FKBP3: variants seen among roughly 807,000 people sequenced by gnomAD.
The protein encoded by FKBP3 is peptidyl-prolyl cis-trans isomerase FKBP3.
FKBP3 carries 21 observed loss-of-function variants against 30.6 expected under a neutral mutation model. The observed-to-expected ratio is 0.69, with a 90% confidence interval of 0.49 to 0.99. The LOEUF (loss-of-function observed/expected upper bound fraction) is 0.99. Ranked by LOEUF, FKBP3 falls within the 50% of genes least tolerant of loss-of-function variation. The probability of loss-of-function intolerance (pLI) is 0.00; values close to 1 mark genes in which losing one functional copy is unlikely to be tolerated. For synonymous variants in FKBP3, 82 were observed against 91.3 expected (o/e 0.90, Z 0.58); for missense variants, 283 against 261.6 (o/e 1.08, Z -0.56).
intron 3 of FKBP3, among the ~76,000 whole-genome samples, chr14:45,125,863 T>C (rs953506019): frequency 2.2e-4 from 33 of 152,088 alleles, no homozygotes; most frequent in African/African-American, 8.0e-4. Context: ...GGGCATGATG[T>C]AGTAGACAAT....
chr14:45,129,742 A>G lies in FKBP3; in HGVS notation c.318+52T>C, dbSNP rs569744318. The G allele has an allele frequency of 2.6e-6, 3 of 1,146,670 alleles. No individual in the cohort carries two copies. In the East Asian group the frequency reaches 7.9e-5, roughly 30 times the overall value. 71.0% of individuals were successfully genotyped at this position (1,146,670 alleles called of 1,614,324 possible). On this transcript the variant is annotated intron_variant, in intron 3 of 6. Transcript: ENST00000396062. ...GTTAGTGCAAATAATAAAGAAATAA[A>G]TACAATTTCTAGACTCCACATGATA... is the stretch of plus-strand genomic sequence containing the variant.
intron 1 of FKBP3, among the ~76,000 whole-genome samples, chr14:45,131,743 G>A (rs1275901564): frequency 6.6e-6 from 1 of 151,668 alleles, no homozygotes; most frequent in East Asian, 1.9e-4. Context: ...CAGCGTCTAC[G>A]TCAAAGAGTT....
At chr14:45,122,905 T>A (rs1885015307) in intron 3 of FKBP3, among the ~76,000 whole-genome samples, 1 of 151,824 alleles carries the variant, frequency 6.6e-6, no homozygotes, top group Non-Finnish European at 1.5e-5. Flanking sequence ...TAAGTAAAAA[T>A]ATCTGTGCTG....
rs1426502865 is a variant in FKBP3, at chr14:45,120,875, T to C, written c.522+12A>G. 1.9e-6 allele frequency: 3 copies of C among 1,606,308 alleles called. No homozygotes were observed. The Admixed American group carries it at 5.0e-5, about 27-fold the overall frequency. On this transcript the variant is annotated intron_variant, in intron 5 of 6. Transcript: ENST00000396062. ...CAGAATATCTACTGATTCATTGGCATTCTTTACTTACTCCTCTGATAACTT... is the reference window on the plus strand; with the variant it reads ...CAGAATATCTACTGATTCATTGGCACTCTTTACTTACTCCTCTGATAACTT...
chr14:45,116,468 G>C (rs182357611), intron 6 of FKBP3, among the ~76,000 whole-genome samples: 12 of 151,760 alleles, frequency 7.9e-5, no homozygotes, highest in East Asian at 5.8e-4. Flanking sequence ...TTCTAGCTGG[G>C]GGGGGGTGGA....
chr14:45,120,199 C>A (rs1247095811), intron 5 of FKBP3, among the ~76,000 whole-genome samples: 1 of 152,114 alleles, frequency 6.6e-6, no homozygotes, highest in East Asian at 1.9e-4. Context: ...AAACAATGGG[C>A]ACAATGGGCA....
In FKBP3 at chr14:45,123,947, C is replaced by T. The variant is rs1239182643; in HGVS notation, c.319-2327G>A. ...CATTCTTTTAAAAGGCCCAGTTACC[C>T]CTCCACAAATCAGACTGGAGTTTAG... On this transcript the variant is annotated intron_variant, in intron 3 of 6. Transcript: ENST00000396062. 5.9e-5 allele frequency among the ~76,000 whole-genome samples: 9 copies of T among 152,068 alleles called. No individual in the cohort carries two copies. The East Asian group carries it at 1.6e-3, about 26-fold the overall frequency.
chr14:45,119,569 C>CA (rs1157195593), intron 5 of FKBP3, among the ~76,000 whole-genome samples: 14 of 146,098 alleles, frequency 9.6e-5, no homozygotes, highest in East Asian at 2.0e-4. Context: ...AACTCCGTCT[C>CA]AAAAAAAAAG....
intron 3 of FKBP3, among the ~76,000 whole-genome samples, chr14:45,122,032 C>T (rs1378687141): frequency 6.6e-6 from 1 of 152,142 alleles, no homozygotes; most frequent in African/African-American, 2.4e-5. Context: ...ATTGATATTA[C>T]TAGGTGTTTT....
intron 3 of FKBP3, among the ~76,000 whole-genome samples, chr14:45,124,099 G>T (rs934846962): frequency 2.6e-5 from 4 of 152,132 alleles, no homozygotes; most frequent in Non-Finnish European, 2.9e-5. Flanking sequence ...AACAATTACT[G>T]CTTATAGTTT....
chr14:45,123,327 A>G (rs1289185854), intron 3 of FKBP3, among the ~76,000 whole-genome samples: 1 of 152,132 alleles, frequency 6.6e-6, no homozygotes, highest in Non-Finnish European at 1.5e-5. Flanking sequence ...TTGAACAAAC[A>G]CAAGTTTCAA....
At chr14:45,119,834 A>C (rs946268174) in intron 5 of FKBP3, among the ~76,000 whole-genome samples, 4 of 151,658 alleles carry the variant, frequency 2.6e-5, no homozygotes, top group Non-Finnish European at 5.9e-5. Context: ...ACTACAGGCA[A>C]GTGCCACCAT....
At chr14:45,132,528 G>A (rs927281527) in intron 1 of FKBP3, among the ~76,000 whole-genome samples, 1 of 151,896 alleles carries the variant, frequency 6.6e-6, no homozygotes, top group African/African-American at 2.4e-5. Flanking sequence ...CTCCCGAACA[G>A]CTGGGATTAG....
intron 3 of FKBP3, among the ~76,000 whole-genome samples, chr14:45,123,376 CCTT>C (rs1368960203): frequency 6.6e-6 from 1 of 151,840 alleles, no homozygotes; most frequent in East Asian, 1.9e-4. Context: ...CCTGATCCCT[CCTT>C]AAAGTGTCCG....
At chr14:45,118,653 A>C (rs1311552775) in intron 5 of FKBP3, among the ~76,000 whole-genome samples, 1 of 152,088 alleles carries the variant, frequency 6.6e-6, no homozygotes, top group East Asian at 1.9e-4. Flanking sequence ...AAAAAACAAA[A>C]AAAAAACTTT....
In FKBP3 at chr14:45,120,950, T is replaced by C. The variant is rs1884972770; in HGVS notation, c.459A>G (p.Ala153=). 1.2e-6 allele frequency: 2 copies of C among 1,612,462 alleles called. No individual in the cohort carries two copies. Among genetic ancestry groups the C allele is most frequent in the Non-Finnish European group, 1.7e-6 (2 of 1,179,298 alleles). Residue 153 remains alanine (A), a synonymous_variant, in exon 5 of 7, where the codon GCA becomes GCG. Coordinates refer to ENST00000396062, the MANE Select transcript of FKBP3 (RefSeq NM_002013.4). ...AAGGCTTGGCATTTTTCTTCTTCTT[T>C]GCACCTGTAAAACAGATTTTCCTTA... The part of the protein sequence containing the change: ...TVFDTNIQTS[A]KKKKNAKPLS...
chr14:45,134,134 C>G (rs1046214054), intron 1 of FKBP3, among the ~76,000 whole-genome samples: 10 of 152,170 alleles, frequency 6.6e-5, no homozygotes, highest in South Asian at 2.1e-4. Flanking sequence ...CCTGTGTGCC[C>G]CAAGAAATAA....
At chr14:45,128,215 G>A (rs1310394932) in intron 3 of FKBP3, among the ~76,000 whole-genome samples, 1 of 152,112 alleles carries the variant, frequency 6.6e-6, no homozygotes, top group Non-Finnish European at 1.5e-5. Context: ...CGCCTGCCTG[G>A]AGTCCCAGCT....
intron 3 of FKBP3, among the ~76,000 whole-genome samples, chr14:45,128,135 A>G (rs1367949972): frequency 2.6e-5 from 4 of 152,156 alleles, no homozygotes; most frequent in Non-Finnish European, 5.9e-5. Context: ...TCAGGAGTTC[A>G]AGACCAGCCC....
Sources: allele counts gnomAD v4.1 joint callset (sites outside exome capture counted in the v4.1 genomes callset), GRCh38; gene constraint gnomAD v4.1.1; transcripts MANE v1.5; gene names NCBI Gene and HGNC (gene_info 2026-07-23, HGNC 2026-07-21).